Variants in ZSCAN5A observed in about 807,000 individuals in gnomAD.
The protein encoded by ZSCAN5A is zinc finger and SCAN domain-containing protein 5A.
ZSCAN5A carries 12 observed loss-of-function variants against 23.7 expected under a neutral mutation model. The observed-to-expected ratio is 0.51, with a 90% CI of 0.32 to 0.82. The LOEUF is 0.82. ZSCAN5A is among the 40% of genes least tolerant of loss of function. ZSCAN5A has a pLI of 0.03. For synonymous variants in ZSCAN5A, 257 were observed against 239.9 expected (o/e 1.07, Z -0.66); for missense variants, 597 against 617.9 (o/e 0.97, Z 0.36).
At chr19:56,243,462 C>G (rs903174655) in intron 2 of ZSCAN5A, among the ~76,000 whole-genome samples, 3 of 152,146 alleles carry the variant, frequency 2.0e-5, no homozygotes, top group Non-Finnish European at 4.4e-5. Context: ...CTGGAGCAAA[C>G]AAATGTCCTG....
At chr19:56,329,482 A>T (rs1305686357) in intron 2 of ZSCAN5A, among the ~76,000 whole-genome samples, 1 of 152,110 alleles carries the variant, frequency 6.6e-6, no homozygotes, top group Non-Finnish European at 1.5e-5. Context: ...TATTAAGTAT[A>T]TCAGTAAAGA....
At chr19:56,235,425 C>T (rs1336611828) in intron 2 of ZSCAN5A, among the ~76,000 whole-genome samples, 1 of 35,522 alleles carries the variant, frequency 2.8e-5, no homozygotes, top group Non-Finnish European at 5.5e-5. Context: ...GTGGGCCAAG[C>T]CTCCACTCCA....
At chr19:56,250,739 C>T (rs1451481616) in intron 2 of ZSCAN5A, among the ~76,000 whole-genome samples, 1 of 152,202 alleles carries the variant, frequency 6.6e-6, no homozygotes, top group Non-Finnish European at 1.5e-5. Context: ...AACGGCTTTC[C>T]ACCCATTATC....
intron 2 of ZSCAN5A, among the ~76,000 whole-genome samples, chr19:56,230,247 G>A (rs1365654179): frequency 2.0e-5 from 3 of 152,000 alleles, no homozygotes; most frequent in South Asian, 2.1e-4. Context: ...CACCATGCCC[G>A]GTGAATTTTT....
intron 2 of ZSCAN5A, chr19:56,272,810 A>G (rs2037950911): frequency 1.0e-6 from 1 of 956,342 alleles, no homozygotes; most frequent in African/African-American, 1.8e-5. Context: ...GGAGGAGAAC[A>G]TTCAGCCCAA....
intron 2 of ZSCAN5A, among the ~76,000 whole-genome samples, chr19:56,247,882 G>A (rs924939726): frequency 2.6e-5 from 4 of 151,846 alleles, no homozygotes; most frequent in Non-Finnish European, 5.9e-5. Flanking sequence ...TAGTAGAGAC[G>A]TGGTTTCACC....
intron 2 of ZSCAN5A, among the ~76,000 whole-genome samples, chr19:56,307,236 A>T (rs1026206134): frequency 2.0e-5 from 3 of 152,086 alleles, no homozygotes; most frequent in African/African-American, 7.3e-5. Context: ...CCTGCCTTTC[A>T]TCCTCTCCCT....
chr19:56,346,767 G>C (rs780192054), intron 2 of ZSCAN5A, among the ~76,000 whole-genome samples: 1 of 151,692 alleles, frequency 6.6e-6, no homozygotes, highest in East Asian at 1.9e-4. Flanking sequence ...GGAGTGTAGT[G>C]GTGCCATCTC....
intron 2 of ZSCAN5A, among the ~76,000 whole-genome samples, chr19:56,294,221 GGGCCC>G (rs2039709519): frequency 6.6e-6 from 1 of 152,108 alleles, no homozygotes; most frequent in South Asian, 2.1e-4. Flanking sequence ...ACCTGCCTAA[GGGCCC>G]ACCAGGTGCC....
At chr19:56,340,207 C>T (rs115428873) in intron 2 of ZSCAN5A, among the ~76,000 whole-genome samples, 249 of 152,126 alleles carry the variant, frequency 1.6e-3, no homozygotes, top group African/African-American at 5.7e-3. Context: ...ATAAAGTTAC[C>T]CAAAGAGTAA....
Position 56,326,305 on chromosome 19 carries a change from T to TTGTGTGTGTGTGTG in ZSCAN5A, c.-357-10051_-357-10038dup, listed in dbSNP as rs368735639. 2.6e-3 allele frequency among the ~76,000 whole-genome samples: 383 copies of TTGTGTGTGTGTGTG among 145,620 alleles called. 2 individuals carry two copies. The highest frequency in any genetic ancestry group is 8.8e-3 in the African/African-American group (353 of 39,936). ...ATATATCCACATCTCACAGTTACCA[T>TTGTGTGTGTGTGTG]TGTGTGTGTGTGTGTGTGTGTGTGT... On this transcript the variant is annotated intron_variant, in intron 2 of 6. Coordinates refer to the ZSCAN5A transcript ENST00000587340.
At chr19:56,254,995 ACT>A (rs1424057535) in intron 2 of ZSCAN5A, among the ~76,000 whole-genome samples, 1 of 151,880 alleles carries the variant, frequency 6.6e-6, no homozygotes, top group East Asian at 1.9e-4. Context: ...GGTTGCTTTC[ACT>A]CTGTTGATTG....
intron 2 of ZSCAN5A, among the ~76,000 whole-genome samples, chr19:56,284,658 G>A (rs962875756): frequency 6.6e-6 from 1 of 151,740 alleles, no homozygotes; most frequent in African/African-American, 2.4e-5. Context: ...GGGATTACAG[G>A]CACCCACCAC....
intron 2 of ZSCAN5A, among the ~76,000 whole-genome samples, chr19:56,325,219 T>C (rs2041421694): frequency 1.3e-5 from 2 of 152,240 alleles, no homozygotes; most frequent in East Asian, 3.8e-4. Flanking sequence ...TCTATCTACA[T>C]TGCCATTTAC....
At position 56,356,352 on chromosome 19, in the gene ZSCAN5A, G is replaced by T. The variant is rs527292879; in HGVS notation, c.-358+6883C>A. ...ACTTACAGAAGCGAGAAGAAAGGCA[G>T]TTGTTACTCCATGTCTTACATCCTT... is the stretch of plus-strand genomic sequence containing the variant. On this transcript the variant is annotated intron_variant, in intron 2 of 6. Coordinates refer to the ZSCAN5A transcript ENST00000587340. Among the ~76,000 whole-genome samples, 6 of 148,698 alleles carry T rather than the reference G, an allele frequency of 4.0e-5. 2 individuals carry two copies. The highest frequency in any genetic ancestry group is 8.9e-5 in the Non-Finnish European group (6 of 67,310).
At chr19:56,325,188 C>T (rs2147428906) in intron 2 of ZSCAN5A, among the ~76,000 whole-genome samples, 1 of 152,300 alleles carries the variant, frequency 6.6e-6, no homozygotes, top group South Asian at 2.1e-4. Flanking sequence ...TATCCATTTG[C>T]TTATTATATA....
chr19:56,245,331 G>A (rs767542943), intron 2 of ZSCAN5A: 16 of 748,518 alleles, frequency 2.1e-5, no homozygotes, highest in South Asian at 4.1e-5. Flanking sequence ...TCCAGCCAGC[G>A]GGCCTCCTCT....
At chr19:56,264,683 G>T (rs554089526) in intron 2 of ZSCAN5A, among the ~76,000 whole-genome samples, 61 of 152,306 alleles carry the variant, frequency 4.0e-4, no homozygotes, top group African/African-American at 1.4e-3. Flanking sequence ...ATTGTCTCTG[G>T]TGGCTTTCTC....
chr19:56,265,442 T>C (rs931270690), intron 2 of ZSCAN5A, among the ~76,000 whole-genome samples: 7 of 150,816 alleles, frequency 4.6e-5, no homozygotes, highest in Non-Finnish European at 1.0e-4. Context: ...GAAAGTAAAC[T>C]GAGGAAGTGA....
Sources: gnomAD v4.1 joint callset for allele counts (sites outside exome capture counted in the v4.1 genomes callset) on GRCh38, gnomAD v4.1.1 for gene constraint, MANE v1.5 for transcripts, NCBI Gene and HGNC (gene_info 2026-07-23, HGNC 2026-07-21) for gene names.